LSAMP: variants seen among roughly 807,000 people sequenced by gnomAD.
The protein encoded by LSAMP is limbic system associated membrane protein.
A neutral mutation model predicts 38.6 loss-of-function variants in LSAMP; 7 were observed. That is an observed-to-expected ratio of 0.18 (90% confidence interval 0.10 to 0.34). LSAMP has a LOEUF of 0.34. Among genes scored for constraint, LSAMP ranks in the 10% least tolerant of loss-of-function variants. The probability of loss-of-function intolerance (pLI) is 1.00; values close to 1 mark genes in which losing one functional copy is unlikely to be tolerated. For missense variants in LSAMP, 313 were observed against 420.0 expected, an observed-to-expected ratio of 0.75 and a Z score of 2.23; for synonymous variants, 154 against 166.8, an observed-to-expected ratio of 0.92 and a Z score of 0.59.
chr3:116,224,607 G>A (rs534262339), intron 1 of LSAMP, among the ~76,000 whole-genome samples: 2 of 152,216 alleles, frequency 1.3e-5, no homozygotes, highest in South Asian at 2.1e-4. Flanking sequence ...ATAATTTATC[G>A]TTTTGGTCTA....
chr3:116,245,202 G>A (rs1284022420), intron 1 of LSAMP, among the ~76,000 whole-genome samples: 1 of 152,136 alleles, frequency 6.6e-6, no homozygotes, highest in Non-Finnish European at 1.5e-5. Context: ...ACCATGTGAA[G>A]GCACAGGGAG....
In LSAMP at chr3:115,802,625, AAAACAAAAAATCCC is replaced by A. The variant is rs1933540987; in HGVS notation, c.*7678_*7691del. On this transcript the variant is annotated 3_prime_UTR_variant, in exon 7 of 7. Transcript: ENST00000490035. ...AATAAACAAAAATGAAAAACCTTGA[AAAACAAAAAATCCC>A]AAACAAAAAATGGCCATGTGTTTGT... The A allele has an allele frequency of 6.6e-6, 1 of 151,958 alleles. No homozygotes were observed. The highest frequency in any genetic ancestry group is 2.1e-4 in the South Asian group (1 of 4,832). The allele number at this position is 151,958 out of a possible 1,614,324, so 9.4% of individuals were successfully genotyped here. A position where few individuals can be genotyped will look rare whatever the true frequency, so the allele number is the denominator to read the frequency against.
intron 1 of LSAMP, among the ~76,000 whole-genome samples, chr3:116,404,537 C>T (rs184616813): frequency 1.6e-3 from 249 of 151,966 alleles, no homozygotes; most frequent in Non-Finnish European, 2.9e-3. Context: ...GGTGGGTAGA[C>T]GAATGGACAG....
intron 1 of LSAMP, among the ~76,000 whole-genome samples, chr3:116,287,414 G>A (rs1677112995): frequency 6.6e-6 from 1 of 152,100 alleles, no homozygotes; most frequent in African/African-American, 2.4e-5. Flanking sequence ...TGGGTTGAGG[G>A]CATAATAATC....
chr3:116,378,392 C>T (rs549146144), intron 1 of LSAMP, among the ~76,000 whole-genome samples: 3 of 152,118 alleles, frequency 2.0e-5, no homozygotes, highest in East Asian at 3.9e-4. Context: ...AGAGCCTACT[C>T]GCCTGAGGGG....
chr3:115,916,887 G>A (rs1298679951), intron 3 of LSAMP, among the ~76,000 whole-genome samples: 3 of 152,158 alleles, frequency 2.0e-5, no homozygotes, highest in Non-Finnish European at 4.4e-5. Context: ...ATCCTGGGGA[G>A]GATAGAAATA....
rs564733919 is a variant in LSAMP, at chr3:116,189,045, A to G, written c.156-102489T>C. Reference sequence around the variant, plus strand: ...GCTGGAAACACGATAATAAAGACCAACTAATTCATAAGCTTCTATTCTAGT... The same window carrying G: ...GCTGGAAACACGATAATAAAGACCAGCTAATTCATAAGCTTCTATTCTAGT... On this transcript the variant is annotated intron_variant, in intron 1 of 6. Coordinates refer to ENST00000490035, the MANE Select transcript of LSAMP (RefSeq NM_002338.5). 2.6e-5 allele frequency among the ~76,000 whole-genome samples: 4 copies of G among 152,346 alleles called. No individual in the cohort carries two copies. In the East Asian group the frequency reaches 5.8e-4, roughly 22 times the overall value.
rs567410878 is a variant in LSAMP at position 116,266,656 on chromosome 3, A to G, written c.155+178221T>C. Among the ~76,000 whole-genome samples, 4 of 152,302 alleles carry G rather than the reference A, an allele frequency of 2.6e-5. No individual in the cohort carries two copies. The East Asian group carries it at 7.7e-4, about 29-fold the overall frequency. ...TGTCCAGATTTGAGTATATTAGTTTAGAAGTCACCAAAGACAGCCTGAAAA... is the reference window on the plus strand; with the variant it reads ...TGTCCAGATTTGAGTATATTAGTTTGGAAGTCACCAAAGACAGCCTGAAAA... On this transcript the variant is annotated intron_variant, in intron 1 of 6. Coordinates refer to ENST00000490035, the MANE Select transcript of LSAMP (RefSeq NM_002338.5).
intron 2 of LSAMP, among the ~76,000 whole-genome samples, chr3:116,067,164 T>C (rs1443491636): frequency 6.6e-6 from 1 of 152,200 alleles, no homozygotes; most frequent in Non-Finnish European, 1.5e-5. Flanking sequence ...ATTCCTTTAA[T>C]GTCTTCCTTT....
chr3:116,386,342 TA>T lies in LSAMP; in HGVS notation c.155+58534del, dbSNP rs367747109. On this transcript the variant is annotated intron_variant, in intron 1 of 6. Transcript: ENST00000490035. ...AAAATGCTCATGCCTTTATATCTCC[TA>T]CCTCCAAAATTCAACCATCTCAGGC... Among the ~76,000 whole-genome samples, 12 of 152,282 alleles carry T rather than the reference TA, an allele frequency of 7.9e-5. No individual in the cohort carries two copies. In the East Asian group the frequency reaches 1.5e-3, roughly 20 times the overall value.
At chr3:116,084,530 T>C (rs1707946257) in intron 2 of LSAMP, among the ~76,000 whole-genome samples, 1 of 151,856 alleles carries the variant, frequency 6.6e-6, no homozygotes. Flanking sequence ...ACAGATCTGC[T>C]TGGCACTCAA....
chr3:116,161,537 C>T (rs935737429), intron 1 of LSAMP, among the ~76,000 whole-genome samples: 1 of 152,044 alleles, frequency 6.6e-6, no homozygotes, highest in Non-Finnish European at 1.5e-5. Context: ...TGTGGCTGAT[C>T]AGATCAGGTA....
At chr3:116,143,418 A>T (rs1477150233) in intron 1 of LSAMP, among the ~76,000 whole-genome samples, 1 of 152,004 alleles carries the variant, frequency 6.6e-6, no homozygotes, top group Non-Finnish European at 1.5e-5. Flanking sequence ...CAGGGTGACT[A>T]TAGTCAATAA....
At position 116,046,827 on chromosome 3, in the gene LSAMP, T is replaced by C. The variant is rs150483083; in HGVS notation, c.389-27187A>G. ...GGCCAAAACACACATGAAATGAAGATAATCATTGTCAATACCCCTTTCGCT... is the reference window on the plus strand; with the variant it reads ...GGCCAAAACACACATGAAATGAAGACAATCATTGTCAATACCCCTTTCGCT... On this transcript the variant is annotated intron_variant, in intron 2 of 6. Coordinates refer to ENST00000490035, the MANE Select transcript of LSAMP (RefSeq NM_002338.5). Among the ~76,000 whole-genome samples, 87 of 152,290 alleles carry C rather than the reference T, an allele frequency of 5.7e-4. No individual in the cohort carries two copies. In the East Asian group the frequency reaches 0.017, roughly 29 times the overall value.
intron 1 of LSAMP, among the ~76,000 whole-genome samples, chr3:116,156,786 A>T (rs935005230): frequency 1.3e-5 from 2 of 152,140 alleles, no homozygotes; most frequent in African/African-American, 4.8e-5. Context: ...CATAATCAGG[A>T]CATAATCACA....
intron 2 of LSAMP, among the ~76,000 whole-genome samples, chr3:116,040,629 C>CAATTTTGGAATTG (rs1173149227): frequency 6.6e-6 from 1 of 152,210 alleles, no homozygotes; most frequent in African/African-American, 2.4e-5. Context: ...TGTGATAACA[C>CAATTTTGGAATTG]CGTTTGGAAT....
intron 1 of LSAMP, among the ~76,000 whole-genome samples, chr3:116,359,473 G>A (rs975589969): frequency 6.6e-6 from 1 of 152,188 alleles, no homozygotes; most frequent in Non-Finnish European, 1.5e-5. Context: ...TGGTTCCAAT[G>A]TGTAAATGTT....
At chr3:116,155,189 C>T (rs920484939) in intron 1 of LSAMP, among the ~76,000 whole-genome samples, 6 of 151,850 alleles carry the variant, frequency 4.0e-5, no homozygotes, top group African/African-American at 1.2e-4. Context: ...ACTGGACTCT[C>T]TCATGAGGGC....
chr3:116,442,363 G>A (rs1022699469), intron 1 of LSAMP, among the ~76,000 whole-genome samples: 2 of 151,988 alleles, frequency 1.3e-5, no homozygotes, highest in Non-Finnish European at 2.9e-5. Flanking sequence ...CACTTTCTCG[G>A]TGCCAGACAT....
Sources: gnomAD v4.1 joint callset for allele counts (sites outside exome capture counted in the v4.1 genomes callset) on GRCh38, gnomAD v4.1.1 for gene constraint, MANE v1.5 for transcripts, NCBI Gene and HGNC (gene_info 2026-07-23, HGNC 2026-07-21) for gene names.